Variants in PAH observed in about 807,000 individuals in gnomAD.
The protein encoded by PAH is phenylalanine hydroxylase.
In PAH, 64 loss-of-function variants were observed where a neutral mutation model predicts 62.0. The observed-to-expected ratio is 1.03, with a 90% CI of 0.84 to 1.27. PAH has a LOEUF of 1.27. Ranked by LOEUF, PAH falls within the 50% of genes most tolerant of loss-of-function variation. The pLI, the probability that PAH is intolerant of heterozygous loss-of-function variation, is 0.00. For missense variants in PAH, 579 were observed against 542.8 expected (o/e 1.07, Z -0.66); for synonymous variants, 195 against 196.2 (o/e 0.99, Z 0.05).
At chr12:102,950,071 T>C (rs960387711) in intron 1 of PAH, 4 of 152,258 alleles carry the variant, frequency 2.6e-5, no homozygotes, top group African/African-American at 9.6e-5. Flanking sequence ...TTTGTACTTA[T>C]TTAACACATA....
At chr12:102,896,970 C>A (rs1303837569) in intron 2 of PAH, among the ~76,000 whole-genome samples, 1 of 152,168 alleles carries the variant, frequency 6.6e-6, no homozygotes, top group African/African-American at 2.4e-5. Flanking sequence ...CAGATGTGGT[C>A]ATAAATTCTT....
chr12:102,955,686 G>C (rs183739111), upstream of PAH, among the ~76,000 whole-genome samples: 2 of 152,240 alleles, frequency 1.3e-5, no homozygotes, highest in Admixed American at 1.3e-4. Context: ...GGAGGTGCAG[G>C]GTGCCCAGGC....
intron 1 of PAH, among the ~76,000 whole-genome samples, chr12:102,935,723 G>A (rs1879077221): frequency 6.6e-6 from 1 of 151,680 alleles, no homozygotes; most frequent in Non-Finnish European, 1.5e-5. Flanking sequence ...AAATTCCTGT[G>A]GTATTTGTTG....
intron 3 of PAH, 86 bp from the exon 4 acceptor site, chr12:102,877,636 G>A: frequency 1.0e-6 from 1 of 983,814 alleles, no homozygotes; most frequent in Non-Finnish European, 1.6e-6. Context: ...GGGGATCCCA[G>A]CCAATGGTGA....
chr12:102,904,258 C>T (rs1877881511), intron 2 of PAH, among the ~76,000 whole-genome samples: 1 of 152,188 alleles, frequency 6.6e-6, no homozygotes, highest in Admixed American at 6.5e-5. Flanking sequence ...AACGGTTTGA[C>T]TCTAGATGGT....
At chr12:102,863,372 A>G (rs1169067414) in intron 5 of PAH, among the ~76,000 whole-genome samples, 1 of 152,166 alleles carries the variant, frequency 6.6e-6, no homozygotes, top group Non-Finnish European at 1.5e-5. Context: ...TAGGGACTCA[A>G]CATCTGTTCC....
intron 1 of PAH, among the ~76,000 whole-genome samples, chr12:102,936,358 G>T (rs111270874): frequency 0.058 from 8,820 of 152,176 alleles, 553 homozygotes; most frequent in African/African-American, 0.15. Context: ...ATATTCTGCA[G>T]CCATTGAATG....
At chr12:102,889,534 G>GATA (rs1877189150) in intron 3 of PAH, among the ~76,000 whole-genome samples, 4 of 150,434 alleles carry the variant, frequency 2.7e-5, no homozygotes, top group African/African-American at 9.9e-5. Flanking sequence ...ATAGATAGAC[G>GATA]GATAGATAGA....
At chr12:102,862,706 G>A (rs898997838) in intron 5 of PAH, among the ~76,000 whole-genome samples, 1 of 152,126 alleles carries the variant, frequency 6.6e-6, no homozygotes, top group African/African-American at 2.4e-5. Flanking sequence ...TCTCTAACAG[G>A]AACACAGAGT....
chr12:102,873,774 C>T (rs548540290), intron 4 of PAH, among the ~76,000 whole-genome samples: 2 of 152,186 alleles, frequency 1.3e-5, no homozygotes, highest in Admixed American at 1.3e-4. Flanking sequence ...AAAAGAGTTC[C>T]GTGGGTAAGT....
chr12:102,849,326 T>C (rs1360092581), intron 8 of PAH, among the ~76,000 whole-genome samples: 1 of 152,120 alleles, frequency 6.6e-6, no homozygotes, highest in African/African-American at 2.4e-5. Context: ...GATCCAGAAC[T>C]CAGTTTTGGA....
intron 3 of PAH, among the ~76,000 whole-genome samples, chr12:102,886,787 C>G (rs1052173976): frequency 6.6e-6 from 1 of 152,104 alleles, no homozygotes; most frequent in Non-Finnish European, 1.5e-5. Flanking sequence ...TAGCCACAAC[C>G]TACTAGATTA....
intron 5 of PAH, among the ~76,000 whole-genome samples, chr12:102,858,100 A>C (rs1195264075): frequency 6.6e-6 from 1 of 152,248 alleles, no homozygotes; most frequent in Non-Finnish European, 1.5e-5. Flanking sequence ...GCAGAGACAC[A>C]CATAGGCCCA....
chr12:102,844,264 A>G, intron 10 of PAH, 72 bp downstream of exon 10: 4 of 1,070,054 alleles, frequency 3.7e-6, no homozygotes, highest in Non-Finnish European at 5.8e-6. Flanking sequence ...TTTCAACAAT[A>G]TTGAAAGCAC....
intron 2 of PAH, among the ~76,000 whole-genome samples, chr12:102,910,042 A>C (rs1190304482): frequency 6.6e-6 from 1 of 152,158 alleles, no homozygotes; most frequent in East Asian, 1.9e-4. Flanking sequence ...TAAGGTAAAA[A>C]ATTTTCTTTA....
upstream of PAH, among the ~76,000 whole-genome samples, chr12:102,920,764 A>G (rs1474042208): frequency 1.3e-5 from 2 of 152,194 alleles, no homozygotes; most frequent in Non-Finnish European, 2.9e-5. Flanking sequence ...TAGATTTACT[A>G]CAATCTATGG....
At chr12:102,952,092 A>G (rs1415178938), upstream of PAH, among the ~76,000 whole-genome samples, 1 of 152,170 alleles carries the variant, frequency 6.6e-6, no homozygotes, top group Non-Finnish European at 1.5e-5. Context: ...TCAGCAAAGA[A>G]GCCGTACAAC....
chr12:102,939,047 C>T (rs913905775), intron 1 of PAH, among the ~76,000 whole-genome samples: 8 of 152,096 alleles, frequency 5.3e-5, no homozygotes, highest in African/African-American at 1.9e-4. Context: ...ACATATCCAA[C>T]ATGCCTCAGC....
intron 4 of PAH, among the ~76,000 whole-genome samples, chr12:102,868,051 T>C (rs1876089686): frequency 2.4e-5 from 3 of 126,776 alleles, no homozygotes; most frequent in African/African-American, 9.6e-5. Context: ...TATATATATG[T>C]ATATATATAC....
Sources: allele counts gnomAD v4.1 joint callset (sites outside exome capture counted in the v4.1 genomes callset), GRCh38; gene constraint gnomAD v4.1.1; transcripts MANE v1.5; gene names NCBI Gene and HGNC (gene_info 2026-07-23, HGNC 2026-07-21).